Variants in RASGRP3 observed in about 807,000 individuals in gnomAD.
RASGRP3 encodes the protein ras guanyl-releasing protein 3.
RASGRP3 carries 54 observed loss-of-function variants against 82.7 expected under a neutral mutation model. That is an observed-to-expected ratio of 0.65 (90% CI 0.52 to 0.82). The LOEUF is 0.82. Ranked by LOEUF, RASGRP3 falls within the 40% of genes least tolerant of loss-of-function variation. RASGRP3 has a pLI of 0.00. For synonymous variants in RASGRP3, 309 were observed against 300.5 expected, an observed-to-expected ratio of 1.03 and a Z score of -0.29; for missense variants, 861 against 828.9, an observed-to-expected ratio of 1.04 and a Z score of -0.48.
At chr2:33,454,057 AT>A (rs1330986705) in intron 2 of RASGRP3, among the ~76,000 whole-genome samples, 1 of 151,778 alleles carries the variant, frequency 6.6e-6, no homozygotes, top group African/African-American at 2.4e-5. Flanking sequence ...AGTAAAAGTT[AT>A]TTTTTTAAAA....
intron 13 of RASGRP3, among the ~76,000 whole-genome samples, chr2:33,545,087 A>G (rs769487905): frequency 1.5e-4 from 23 of 152,236 alleles, no homozygotes; most frequent in Non-Finnish European, 1.6e-4. Flanking sequence ...TTGACTTAAA[A>G]TAACTTCCTA....
rs1265345700 is a variant in RASGRP3 at position 33,558,806 on chromosome 2, A to G, written c.1840A>G (p.Thr614Ala). ...RLQRATTSQA[T>A]QTEPVWSEAG... Reference sequence around the variant, plus strand: ...ACAGAGGGCCACCACCAGCCAGGCCACCCAGACTGAACCTGTCTGGTCAGA... The same window carrying G: ...ACAGAGGGCCACCACCAGCCAGGCCGCCCAGACTGAACCTGTCTGGTCAGA... Residue 614 changes from threonine (T) to alanine (A), a missense_variant, in exon 17 of 18, where the codon ACC (threonine) becomes GCC (alanine). Coordinates refer to ENST00000403687, the MANE Select transcript of RASGRP3 (RefSeq NM_001139488.2). 1 of 1,613,858 alleles carries G rather than the reference A, an allele frequency of 6.2e-7. No individual in the cohort carries two copies. The highest frequency in any genetic ancestry group is 8.5e-7 in the Non-Finnish European group (1 of 1,179,898).
chr2:33,543,202 A>C (rs534439795), intron 12 of RASGRP3, among the ~76,000 whole-genome samples: 2 of 152,208 alleles, frequency 1.3e-5, no homozygotes, highest in East Asian at 3.9e-4. Context: ...TTTTGTAGCA[A>C]TGAGGTCTCT....
intron 1 of RASGRP3, among the ~76,000 whole-genome samples, chr2:33,503,425 C>T (rs965937034): frequency 1.3e-5 from 2 of 152,092 alleles, no homozygotes; most frequent in African/African-American, 4.8e-5. Flanking sequence ...GAAGACATAT[C>T]GTTGGCTCTT....
intron 17 of RASGRP3, among the ~76,000 whole-genome samples, chr2:33,561,295 G>A (rs1305136714): frequency 2.0e-5 from 3 of 152,102 alleles, no homozygotes; most frequent in African/African-American, 7.2e-5. Context: ...CCAAACTCCT[G>A]ACCTCAGGTA....
intron 12 of RASGRP3, among the ~76,000 whole-genome samples, chr2:33,541,391 G>A (rs56407591): frequency 0.074 from 10,801 of 145,894 alleles, 1,314 homozygotes; most frequent in East Asian, 0.33. Context: ...TGTATCTTAC[G>A]CAACTTTGTT....
intron 1 of RASGRP3, among the ~76,000 whole-genome samples, chr2:33,509,204 CA>C (rs1161954770): frequency 6.6e-6 from 1 of 152,020 alleles, no homozygotes; most frequent in African/African-American, 2.4e-5. Context: ...AGTTCGAGAC[CA>C]GCCTGGCCGA....
chr2:33,525,721 A>AAAC (rs1363300735), intron 9 of RASGRP3, among the ~76,000 whole-genome samples: 6 of 148,890 alleles, frequency 4.0e-5, no homozygotes, highest in Non-Finnish European at 8.9e-5. Flanking sequence ...AAAAAAAAAA[A>AAAC]AAAAAACTAG....
intron 15 of RASGRP3, among the ~76,000 whole-genome samples, chr2:33,557,401 TGAA>T (rs1676106539): frequency 6.6e-6 from 1 of 151,770 alleles, no homozygotes; most frequent in Non-Finnish European, 1.5e-5. Context: ...TTTTGGAAAA[TGAA>T]GAAGAGTAAA....
intron 13 of RASGRP3, among the ~76,000 whole-genome samples, chr2:33,546,122 T>C (rs1026184788): frequency 1.3e-5 from 2 of 151,708 alleles, no homozygotes; most frequent in Admixed American, 1.3e-4. Flanking sequence ...GAATGGCTAT[T>C]ACTAGAAAGT....
chr2:33,499,515 G>A (rs1254672607), intron 1 of RASGRP3, among the ~76,000 whole-genome samples: 7 of 152,174 alleles, frequency 4.6e-5, no homozygotes, highest in East Asian at 1.9e-4. Context: ...CCAAGATCAC[G>A]CCACTGCACT....
rs182518909 is a variant in RASGRP3, at chr2:33,468,544, G to T, written c.-261+20601G>T. On this transcript the variant is annotated intron_variant, in intron 2 of 18. Coordinates refer to the RASGRP3 transcript ENST00000402538. ...AGCCTCCTGAGTAGCTGGGACTACA[G>T]GTGCACACCACCATGCCGGGATAAT... Among the ~76,000 whole-genome samples, 788 of 152,150 alleles carry T rather than the reference G, an allele frequency of 5.2e-3. 7 individuals are homozygous for T. The highest frequency in any genetic ancestry group is 0.018 in the African/African-American group (750 of 41,512).
intron 13 of RASGRP3, among the ~76,000 whole-genome samples, chr2:33,544,703 C>A (rs777464767): frequency 2.6e-5 from 4 of 152,026 alleles, no homozygotes; most frequent in African/African-American, 9.7e-5. Flanking sequence ...TCTTAAAAAA[C>A]GAAATCTGGA....
chr2:33,469,898 G>A (rs1366867393), intron 2 of RASGRP3, among the ~76,000 whole-genome samples: 2 of 152,084 alleles, frequency 1.3e-5, no homozygotes, highest in Non-Finnish European at 2.9e-5. Flanking sequence ...TTCCCACTGG[G>A]TTTAAAAACC....
In RASGRP3 at chr2:33,549,562, T is replaced by C; in HGVS notation, c.1395-42T>C. On this transcript the variant is annotated intron_variant, in intron 13 of 17. Transcript: ENST00000403687. The stretch of plus-strand genomic sequence containing the variant: ...AAAGTGTGGCAACTACTTAGCAACC[T>C]GTTATTTAAAGATTCCCTCCCTTCT... 2.5e-6 allele frequency: 4 copies of C among 1,575,402 alleles called. No individual in the cohort carries two copies. The South Asian group carries it at 3.5e-5, about 14-fold the overall frequency.
At chr2:33,490,723 T>C (rs1668773251) in intron 1 of RASGRP3, among the ~76,000 whole-genome samples, 1 of 152,230 alleles carries the variant, frequency 6.6e-6, no homozygotes, top group Non-Finnish European at 1.5e-5. Context: ...GCCATGGCGC[T>C]AAATGCTGCT....
At chr2:33,496,585 G>C (rs1284668745) in intron 1 of RASGRP3, among the ~76,000 whole-genome samples, 1 of 152,256 alleles carries the variant, frequency 6.6e-6, no homozygotes, top group Non-Finnish European at 1.5e-5. Flanking sequence ...GCTGGGCACA[G>C]TGGCTCACAC....
chr2:33,549,502 G>C (rs1464429397), intron 13 of RASGRP3, 102 bp from the exon 14 acceptor site: 4 of 1,163,670 alleles, frequency 3.4e-6, no homozygotes, highest in Non-Finnish European at 4.8e-6. Flanking sequence ...TGCCTCAACT[G>C]CTTTTGGCCA....
At chr2:33,512,666 A>G (rs1298944732) in intron 2 of RASGRP3, among the ~76,000 whole-genome samples, 2 of 152,242 alleles carry the variant, frequency 1.3e-5, no homozygotes, top group South Asian at 2.1e-4. Context: ...TATGGTATCT[A>G]TACACACTCA....
Sources: allele counts gnomAD v4.1 joint callset (sites outside exome capture counted in the v4.1 genomes callset), GRCh38; gene constraint gnomAD v4.1.1; transcripts MANE v1.5; gene names NCBI Gene and HGNC (gene_info 2026-07-23, HGNC 2026-07-21).